SLMAP: variants seen among roughly 807,000 people sequenced by gnomAD.
SLMAP encodes the protein sarcolemma associated protein, also known as sarcolemmal membrane-associated protein.
In SLMAP, 44 loss-of-function variants were observed where a neutral mutation model predicts 128.8. That is an observed-to-expected ratio of 0.34 (90% CI 0.27 to 0.44). The LOEUF is 0.44. SLMAP is among the 20% of genes least tolerant of loss of function. The pLI is 1.00. For missense variants in SLMAP, 787 were observed against 985.3 expected (o/e 0.80, Z 2.69); for synonymous variants, 327 against 348.8 (o/e 0.94, Z 0.70).
At chr3:57,853,513 G>T (rs1246337553) in intron 6 of SLMAP, among the ~76,000 whole-genome samples, 1 of 152,178 alleles carries the variant, frequency 6.6e-6, no homozygotes, top group Admixed American at 6.5e-5. Flanking sequence ...AGGTGAAGAA[G>T]GTATGCCAAA....
intron 2 of SLMAP, among the ~76,000 whole-genome samples, chr3:57,789,955 G>A (rs2085084411): frequency 6.6e-6 from 1 of 152,234 alleles, no homozygotes; most frequent in East Asian, 1.9e-4. Flanking sequence ...TCCTGCCTCA[G>A]CCTCCCAAGT....
rs755427811 is a variant in SLMAP at position 57,908,025 on chromosome 3, T to C, written c.1624+19T>C. The C allele has an allele frequency of 1.2e-6, 2 of 1,612,500 alleles. No individual in the cohort carries two copies. The highest frequency in any genetic ancestry group is 2.2e-5 in the East Asian group (1 of 44,780). On this transcript the variant is annotated intron_variant, in intron 18 of 24. Coordinates refer to ENST00000671191, the MANE Select transcript of SLMAP (RefSeq NM_001377540.1). ...CTTCAAGGTGAGATCAAGATTACTTTGGTTCTTTAGGGATGTGTGGAGGCA... is the reference window on the plus strand; with the variant it reads ...CTTCAAGGTGAGATCAAGATTACTTCGGTTCTTTAGGGATGTGTGGAGGCA...
At chr3:57,840,061 T>TCCA (rs2093852414) in intron 3 of SLMAP, among the ~76,000 whole-genome samples, 1 of 151,828 alleles carries the variant, frequency 6.6e-6, no homozygotes, top group Non-Finnish European at 1.5e-5. Context: ...CCTCAGGTGA[T>TCCA]CCACCTGCCT....
chr3:57,773,453 A>G (rs74329272), intron 2 of SLMAP, among the ~76,000 whole-genome samples: 326 of 152,330 alleles, frequency 2.1e-3, no homozygotes, highest in Non-Finnish European at 3.2e-3. Context: ...TTTTACTTAA[A>G]ATCACTGTTT....
chr3:57,777,328 G>A (rs148842434), intron 2 of SLMAP, among the ~76,000 whole-genome samples: 174 of 140,020 alleles, frequency 1.2e-3, no homozygotes, highest in Middle Eastern at 7.3e-3. Context: ...ACATCCTTAT[G>A]ACCTTGAATT....
At chr3:57,830,215 C>T (rs115317194) in intron 2 of SLMAP, among the ~76,000 whole-genome samples, 2,750 of 152,004 alleles carry the variant, frequency 0.018, 73 homozygotes, top group African/African-American at 0.063. Flanking sequence ...ACCATGTTGG[C>T]GAGGCTGGTC....
intron 19 of SLMAP, 145 bp from the exon 20 acceptor site, chr3:57,912,236 C>T (rs912057734): frequency 3.1e-5 from 17 of 550,870 alleles, no homozygotes; most frequent in African/African-American, 1.3e-4. Flanking sequence ...TGTATTTTGA[C>T]GCTTTCTGCA....
chr3:57,848,940 G>A lies in SLMAP; in HGVS notation c.457-814G>A, dbSNP rs190780696. On this transcript the variant is annotated intron_variant, in intron 5 of 24. Transcript: ENST00000671191. ...GTCAGGCTGGTCTTGAACTCCCAAC[G>A]TCAGGTGATCTGGCTGCCTCGGCCT... Among the ~76,000 whole-genome samples the A allele has an allele frequency of 2.4e-3, 364 of 151,610 alleles. 1 individual carries two copies. The highest frequency in any genetic ancestry group is 2.9e-3 in the Non-Finnish European group (197 of 67,898).
In SLMAP at chr3:57,928,628, A is replaced by G. The variant is rs868186966; in HGVS notation, c.*1339A>G. The stretch of plus-strand genomic sequence containing the variant: ...TATGTCAATAAAGTTTATTTAGGTC[A>G]TAGAATATCCTAAAGTATCACATAG... On this transcript the variant is annotated 3_prime_UTR_variant, in exon 25 of 25. Coordinates refer to ENST00000671191, the MANE Select transcript of SLMAP (RefSeq NM_001377540.1). 2 of 152,222 alleles carry G rather than the reference A, an allele frequency of 1.3e-5. No individual in the cohort carries two copies. The highest frequency in any genetic ancestry group is 2.1e-4 in the South Asian group (1 of 4,830). The allele number at this position is 152,222 out of a possible 1,614,324, so 9.4% of individuals were successfully genotyped here. A position where few individuals can be genotyped will look rare whatever the true frequency, so the allele number is the denominator to read the frequency against.
intron 14 of SLMAP, among the ~76,000 whole-genome samples, chr3:57,888,100 CAG>C (rs1323065338): frequency 2.6e-5 from 4 of 151,902 alleles, no homozygotes; most frequent in South Asian, 2.1e-4. Context: ...TATAAGAAAA[CAG>C]AAAGAGGAAG....
chr3:57,763,849 G>A (rs1466462522), intron 2 of SLMAP, among the ~76,000 whole-genome samples: 1 of 151,992 alleles, frequency 6.6e-6, no homozygotes, highest in Non-Finnish European at 1.5e-5. Context: ...TATTTTTTTT[G>A]TGGGGATGAG....
At chr3:57,836,299 A>G (rs1053739839) in intron 3 of SLMAP, among the ~76,000 whole-genome samples, 1 of 152,126 alleles carries the variant, frequency 6.6e-6, no homozygotes, top group Non-Finnish European at 1.5e-5. Flanking sequence ...AAAATCACCC[A>G]GTATGTAGGA....
chr3:57,819,101 T>A (rs2092247501), intron 2 of SLMAP, among the ~76,000 whole-genome samples: 1 of 152,240 alleles, frequency 6.6e-6, no homozygotes, highest in Admixed American at 6.5e-5. Context: ...TTGTTATTAT[T>A]TCCATTTATT....
At chr3:57,837,454 T>C (rs966476085) in intron 3 of SLMAP, among the ~76,000 whole-genome samples, 1 of 152,144 alleles carries the variant, frequency 6.6e-6, no homozygotes, top group African/African-American at 2.4e-5. Context: ...CTGCAAGCTC[T>C]GCCTCCTGGG....
chr3:57,795,148 T>C (rs561013593), intron 2 of SLMAP, among the ~76,000 whole-genome samples: 50 of 152,386 alleles, frequency 3.3e-4, no homozygotes, highest in South Asian at 1.2e-3. Context: ...TAATGACTAA[T>C]AATCTGATAA....
At chr3:57,879,966 A>T (rs1385611694) in intron 14 of SLMAP, among the ~76,000 whole-genome samples, 1 of 151,758 alleles carries the variant, frequency 6.6e-6, no homozygotes, top group South Asian at 2.1e-4. Context: ...AAAAAAATAA[A>T]AATAAAAAGC....
Position 57,896,858 on chromosome 3 carries a change from T to C in SLMAP, c.1442-15T>C, listed in dbSNP as rs760052038. The C allele has an allele frequency of 2.0e-5, 31 of 1,588,412 alleles. No homozygotes were observed. ...ACTGTCTGTAATTATATATGTATTT[T>C]TTTCCTCTCTGTAGACGCCCAAATG... On this transcript the variant is annotated splice_polypyrimidine_tract_variant and intron_variant, in intron 16 of 24. Coordinates refer to ENST00000671191, the MANE Select transcript of SLMAP (RefSeq NM_001377540.1).
chr3:57,906,313 T>TTC (rs1553637779), intron 17 of SLMAP, among the ~76,000 whole-genome samples: 1 of 117,492 alleles, frequency 8.5e-6, no homozygotes, highest in African/African-American at 3.2e-5. Flanking sequence ...TTTTTTTCTT[T>TTC]TTTTTTTTTT....
chr3:57,862,181 G>A (rs1183341841), intron 10 of SLMAP, 95 bp downstream of exon 10: 2 of 983,480 alleles, frequency 2.0e-6, no homozygotes, highest in Non-Finnish European at 3.0e-6. Context: ...CTGGGCGTGG[G>A]GTGGCGGGCG....
Sources: allele counts gnomAD v4.1 joint callset (sites outside exome capture counted in the v4.1 genomes callset), GRCh38; gene constraint gnomAD v4.1.1; transcripts MANE v1.5; gene names NCBI Gene and HGNC (gene_info 2026-07-23, HGNC 2026-07-21).